The following AIMP1 variants were observed in gnomAD, a reference collection of about 807,000 sequenced individuals.
The protein encoded by AIMP1 is aminoacyl tRNA synthetase complex interacting multifunctional protein 1.
Under a neutral mutation model 33.1 loss-of-function variants are expected in AIMP1, and 24 were observed. That is an observed-to-expected ratio of 0.73 (90% CI 0.53 to 1.02). The LOEUF (loss-of-function observed/expected upper bound fraction) is 1.02, where lower values mean the gene tolerates loss of function less well. AIMP1 is among the 50% of genes least tolerant of loss of function. AIMP1 has a pLI of 0.00. For synonymous variants in AIMP1, 120 were observed against 121.5 expected (o/e 0.99, Z 0.08); for missense variants, 367 against 364.8 (o/e 1.01, Z -0.05).
At chr4:106,334,775 G>A (rs1187949586) in intron 5 of AIMP1, among the ~76,000 whole-genome samples, 1 of 152,192 alleles carries the variant, frequency 6.6e-6, no homozygotes, top group East Asian at 1.9e-4. Context: ...CAAAAAGAAA[G>A]TGACATTTGA....
chr4:106,335,809 C>A (rs1769852187), intron 5 of AIMP1, among the ~76,000 whole-genome samples: 1 of 151,130 alleles, frequency 6.6e-6, no homozygotes, highest in Non-Finnish European at 1.5e-5. Flanking sequence ...TAGAATGCAT[C>A]TTTTTTTCTC....
intron 5 of AIMP1, among the ~76,000 whole-genome samples, chr4:106,334,052 G>A (rs1769777167): frequency 6.6e-6 from 1 of 152,018 alleles, no homozygotes; most frequent in South Asian, 2.1e-4. Flanking sequence ...TATTTCCTCT[G>A]TCCCATGGTG....
In AIMP1 at chr4:106,347,637, T is replaced by C; in HGVS notation, c.884T>C (p.Val295Ala). 1 of 1,613,138 alleles carries C rather than the reference T, an allele frequency of 6.2e-7. No homozygotes were observed. Among genetic ancestry groups the C allele is most frequent in the Non-Finnish European group, 8.5e-7 (1 of 1,179,566 alleles). The part of the protein sequence containing the change: ...VATYKGVPFE[V>A]KGKGVCRAQT... ...ACATACAAAGGAGTTCCCTTTGAGG[T>C]GAAAGGGAAGGGAGTATGTAGGGCT... Residue 295 changes from valine (V) to alanine (A), a missense_variant, in exon 7 of 7, where the codon GTG (valine) becomes GCG (alanine). By Grantham distance (64) the Val-to-Ala change is moderately conservative. Transcript: ENST00000672341.
intron 5 of AIMP1, among the ~76,000 whole-genome samples, chr4:106,334,786 G>C (rs913914570): frequency 6.6e-6 from 1 of 152,186 alleles, no homozygotes; most frequent in African/African-American, 2.4e-5. Flanking sequence ...TGACATTTGA[G>C]TAAAGGTCTA....
intron 1 of AIMP1, among the ~76,000 whole-genome samples, chr4:106,321,997 CG>C (rs1769279418): frequency 7.2e-6 from 1 of 138,794 alleles, no homozygotes; most frequent in Admixed American, 7.0e-5. Flanking sequence ...TTAAATGGCC[CG>C]TGCTCTCTGA....
rs1486580274 is a variant in AIMP1, at chr4:106,348,533, G to T, written c.*841G>T. 1 of 151,094 alleles carries T rather than the reference G, an allele frequency of 6.6e-6. No homozygotes were observed. Among genetic ancestry groups the T allele is most frequent in the African/African-American group, 2.4e-5 (1 of 41,026 alleles). 9.4% of individuals were successfully genotyped at this position (151,094 alleles called of 1,614,324 possible). A position where few individuals can be genotyped will look rare whatever the true frequency, so the allele number is the denominator to read the frequency against. ...TTGCTTTTTCATGTGTCATCATACT[G>T]TCAGTATATTAAAAGAAATTACAGC... On this transcript the variant is annotated 3_prime_UTR_variant, in exon 7 of 7. Coordinates refer to ENST00000672341, the MANE Select transcript of AIMP1 (RefSeq NM_001142416.2).
chr4:106,349,019 A>G lies in AIMP1; in HGVS notation c.*1327A>G, dbSNP rs1296260514. 6.6e-6 allele frequency: 1 copy of G among 152,134 alleles called. No homozygotes were observed. Among genetic ancestry groups the G allele is most frequent in the East Asian group, 1.9e-4 (1 of 5,190 alleles). The allele number at this position is 152,134 out of a possible 1,614,324, so 9.4% of individuals were successfully genotyped here. On this transcript the variant is annotated 3_prime_UTR_variant, in exon 7 of 7. Transcript: ENST00000672341. ...CCATAAAACAACCCTGCATGTTATA[A>G]AAGGCAGAATTAAATTTTATTTATT... is the stretch of plus-strand genomic sequence containing the variant.
chr4:106,329,840 C>T (rs1769606700), intron 4 of AIMP1, among the ~76,000 whole-genome samples: 1 of 120,160 alleles, frequency 8.3e-6, no homozygotes, highest in Non-Finnish European at 1.6e-5. Flanking sequence ...GGCTGGAATA[C>T]AGTGGCATAA....
chr4:106,321,523 T>C (rs997932693), intron 1 of AIMP1: 2 of 156,068 alleles, frequency 1.3e-5, no homozygotes, highest in South Asian at 2.0e-4. Context: ...CCGCCCCGTC[T>C]GGGAAGTGAG....
intron 4 of AIMP1, among the ~76,000 whole-genome samples, chr4:106,328,977 A>G (rs1202575948): frequency 6.6e-6 from 1 of 151,610 alleles, no homozygotes; most frequent in Non-Finnish European, 1.5e-5. Context: ...CTTTCCCCAG[A>G]TATGTCTAAA....
At chr4:106,345,906 T>G (rs926549639) in intron 6 of AIMP1, among the ~76,000 whole-genome samples, 12 of 148,970 alleles carry the variant, frequency 8.1e-5, no homozygotes, top group Non-Finnish European at 3.0e-5. Context: ...AAATATATTT[T>G]ATATTCCTAA....
intron 6 of AIMP1, among the ~76,000 whole-genome samples, chr4:106,344,162 TTCCTTACC>T (rs1480764930): frequency 6.6e-6 from 1 of 152,176 alleles, no homozygotes; most frequent in Non-Finnish European, 1.5e-5. Flanking sequence ...TTGATGATTC[TTCCTTACC>T]TCCTTAGATT....
In AIMP1 at chr4:106,328,085, T is replaced by C; in HGVS notation, c.233T>C (p.Ile78Thr). The change falls in exon 4 of 7, where the codon ATA (isoleucine) becomes ACA (threonine). Residue 78 changes from isoleucine (I) to threonine (T), a missense_variant. Transcript: ENST00000672341. Reference protein sequence around the residue: ...QAEIQNGVKQIPFPSGTPLHA... With the variant: ...QAEIQNGVKQTPFPSGTPLHA... The stretch of plus-strand genomic sequence containing the variant: ...TCATTTTCTGTCTCAGTGAAGCAAA[T>C]ACCATTTCCATCTGGTACTCCACTG... The C allele has an allele frequency of 1.9e-6, 3 of 1,612,694 alleles. No homozygotes were observed. Among genetic ancestry groups the C allele is most frequent in the South Asian group, 1.1e-5 (1 of 91,042 alleles).
rs554266850 is a variant in AIMP1 at position 106,343,053 on chromosome 4, C to T, written c.773-4473C>T. The stretch of plus-strand genomic sequence containing the variant: ...CTAAGTAGCTAGGACTATGGGCATG[C>T]GCCACCACACCAGGACTTTTTTTAA... On this transcript the variant is annotated intron_variant, in intron 6 of 6. Coordinates refer to ENST00000672341, the MANE Select transcript of AIMP1 (RefSeq NM_001142416.2). Among the ~76,000 whole-genome samples, 13 of 151,936 alleles carry T rather than the reference C, an allele frequency of 8.6e-5. No homozygotes were observed. The South Asian group carries it at 1.7e-3, about 19-fold the overall frequency.
At chr4:106,332,229 A>G (rs1769709658) in intron 5 of AIMP1, among the ~76,000 whole-genome samples, 1 of 152,088 alleles carries the variant, frequency 6.6e-6, no homozygotes, top group African/African-American at 2.4e-5. Flanking sequence ...CAAAATACAA[A>G]ACATCCCATT....
intron 1 of AIMP1, among the ~76,000 whole-genome samples, chr4:106,320,550 C>T (rs1579625469): frequency 6.6e-6 from 1 of 151,910 alleles, no homozygotes; most frequent in South Asian, 2.1e-4. Flanking sequence ...CACTGTTAGC[C>T]CTGGAAAAGA....
At chr4:106,321,168 C>G (rs879054897) in intron 1 of AIMP1, 1 of 171,318 alleles carries the variant, frequency 5.8e-6, no homozygotes, top group Non-Finnish European at 1.2e-5. Flanking sequence ...CGGCCGCCAC[C>G]CCGTCTAGGA....
intron 6 of AIMP1, among the ~76,000 whole-genome samples, 160 bp downstream of exon 6, chr4:106,337,197 G>A (rs1389869832): frequency 6.6e-6 from 1 of 152,292 alleles, no homozygotes; most frequent in East Asian, 1.9e-4. Context: ...GGCTCAAGAT[G>A]ACACATTGAG....
intron 5 of AIMP1, among the ~76,000 whole-genome samples, 187 bp from the exon 6 acceptor site, chr4:106,336,682 A>AT (rs955764364): frequency 7.2e-5 from 11 of 151,776 alleles, no homozygotes; most frequent in East Asian, 3.9e-4. Context: ...ATTTGGAGGA[A>AT]TTTTTTTTTC....
Sources: gnomAD v4.1 joint callset for allele counts (sites outside exome capture counted in the v4.1 genomes callset) on GRCh38, gnomAD v4.1.1 for gene constraint, MANE v1.5 for transcripts, NCBI Gene and HGNC (gene_info 2026-07-23, HGNC 2026-07-21) for gene names.